The following PLXDC2 variants were observed in gnomAD, a reference collection of about 807,000 sequenced individuals.
The protein encoded by PLXDC2 is plexin domain-containing protein 2.
PLXDC2 carries 40 observed loss-of-function variants against 68.9 expected under a neutral mutation model. That is an observed-to-expected ratio of 0.58 (90% CI 0.45 to 0.76). The LOEUF (loss-of-function observed/expected upper bound fraction) is 0.76, where lower values mean the gene tolerates loss of function less well. Ranked by LOEUF, PLXDC2 falls within the 30% of genes least tolerant of loss-of-function variation. The pLI is 0.00. For missense variants in PLXDC2, 644 were observed against 661.9 expected, an observed-to-expected ratio of 0.97 and a Z score of 0.30; for synonymous variants, 243 against 234.2, an observed-to-expected ratio of 1.04 and a Z score of -0.34.
chr10:19,851,467 CTG>C (rs2131326545), intron 1 of PLXDC2, among the ~76,000 whole-genome samples: 1 of 152,322 alleles, frequency 6.6e-6, no homozygotes, highest in Admixed American at 6.5e-5. Flanking sequence ...CTCTGAGAAG[CTG>C]TCTTTGACGG....
intron 7 of PLXDC2, among the ~76,000 whole-genome samples, chr10:20,167,618 A>G (rs1419275082): frequency 6.6e-6 from 1 of 152,134 alleles, no homozygotes; most frequent in Non-Finnish European, 1.5e-5. Flanking sequence ...AGTAGTGAGT[A>G]GTTTCATTTC....
intron 9 of PLXDC2, among the ~76,000 whole-genome samples, chr10:20,191,678 G>C (rs1390079672): frequency 2.1e-5 from 3 of 145,304 alleles, no homozygotes; most frequent in Admixed American, 2.1e-4. Context: ...AGGGGGGAGG[G>C]ATAGCATTAG....
intron 1 of PLXDC2, among the ~76,000 whole-genome samples, chr10:19,901,961 C>G (rs1030751197): frequency 5.9e-5 from 9 of 152,044 alleles, no homozygotes; most frequent in Admixed American, 1.3e-4. Flanking sequence ...TTTTTGTTTG[C>G]TTTGTTGAAG....
intron 1 of PLXDC2, among the ~76,000 whole-genome samples, chr10:19,945,914 T>C (rs943966568): frequency 6.6e-6 from 1 of 152,220 alleles, no homozygotes; most frequent in African/African-American, 2.4e-5. Context: ...ACTGGAAATA[T>C]ATTTTCACAC....
At chr10:19,817,232 C>G in intron 1 of PLXDC2, 41 bp downstream of exon 1, 1 of 1,474,778 alleles carries the variant, frequency 6.8e-7, no homozygotes, top group South Asian at 1.2e-5. Context: ...TTGTGCGCAG[C>G]TGAAGACCTC....
intron 2 of PLXDC2, among the ~76,000 whole-genome samples, chr10:20,043,767 CA>C (rs1355208189): frequency 6.6e-6 from 1 of 151,854 alleles, no homozygotes; most frequent in African/African-American, 2.4e-5. Context: ...TCTTCCAAAC[CA>C]CCTTTTATAC....
At chr10:19,918,679 T>C (rs560529355) in intron 1 of PLXDC2, among the ~76,000 whole-genome samples, 1 of 152,260 alleles carries the variant, frequency 6.6e-6, no homozygotes, top group East Asian at 1.9e-4. Flanking sequence ...TAAAGAAAAG[T>C]AAAATATTAA....
At chr10:19,829,154 C>CTTTTTTTTTT (rs71388870) in intron 1 of PLXDC2, among the ~76,000 whole-genome samples, 15 of 94,416 alleles carry the variant, frequency 1.6e-4, no homozygotes, top group East Asian at 6.8e-4. Flanking sequence ...ACGCTTTCCT[C>CTTTTTTTTTT]TTTTTTTTTT....
intron 7 of PLXDC2, among the ~76,000 whole-genome samples, chr10:20,169,536 G>C (rs1024302968): frequency 6.6e-6 from 1 of 152,120 alleles, no homozygotes; most frequent in South Asian, 2.1e-4. Context: ...ATACACGCAC[G>C]ATTCTCACTA....
At chr10:20,230,545 A>T (rs1456331920) in intron 12 of PLXDC2, among the ~76,000 whole-genome samples, 2 of 151,438 alleles carry the variant, frequency 1.3e-5, no homozygotes, top group African/African-American at 4.9e-5. Context: ...GGTGGCGTGC[A>T]CTTGTAGTCC....
intron 13 of PLXDC2, among the ~76,000 whole-genome samples, chr10:20,277,443 G>A (rs1272300294): frequency 1.3e-5 from 2 of 152,010 alleles, no homozygotes; most frequent in African/African-American, 4.8e-5. Context: ...CCACTTTAAA[G>A]GCAATTATCT....
chr10:20,167,363 A>G (rs1015259473), intron 7 of PLXDC2, among the ~76,000 whole-genome samples: 1 of 152,162 alleles, frequency 6.6e-6, no homozygotes, highest in Non-Finnish European at 1.5e-5. Flanking sequence ...ATAACCCAAG[A>G]TTAGCACAAT....
rs202073639 is a variant in PLXDC2, at chr10:19,994,744, A to ATT, written c.113-7022_113-7021dup. 7.6e-4 allele frequency among the ~76,000 whole-genome samples: 113 copies of ATT among 149,166 alleles called. 2 individuals carry two copies. Among genetic ancestry groups the ATT allele is most frequent in the Admixed American group, 5.1e-3 (76 of 14,950 alleles). On this transcript the variant is annotated intron_variant, in intron 1 of 13. Transcript: ENST00000377252. ...AACCTGGTTAATCATTCATTTATTG[A>ATT]TTTTTTTTTTGTGTGTGTGACAGAG... is the stretch of plus-strand genomic sequence containing the variant.
Position 19,916,136 on chromosome 10 carries a change from G to GT in PLXDC2, c.113-85627dup, listed in dbSNP as rs1321024426. 7.7e-3 allele frequency among the ~76,000 whole-genome samples: 948 copies of GT among 122,680 alleles called. 15 individuals carry two copies. The highest frequency in any genetic ancestry group is 0.028 in the African/African-American group (765 of 27,422). 80.5% of individuals were successfully genotyped at this position (122,680 alleles called of 152,430 possible). On this transcript the variant is annotated intron_variant, in intron 1 of 13. Transcript: ENST00000377252. ...TGTGGAGGGAGTTGTGTTTTGTTTTGTTTTTTTTTTTTAATGGAGTCTCAC... is the reference window on the plus strand; with the variant it reads ...TGTGGAGGGAGTTGTGTTTTGTTTTGTTTTTTTTTTTTTAATGGAGTCTCAC...
rs1301424149 is a variant in PLXDC2, at chr10:20,217,416, C to T, written c.1123-10C>T. 1.2e-6 allele frequency: 2 copies of T among 1,601,000 alleles called. No individual in the cohort carries two copies. The highest frequency in any genetic ancestry group is 8.5e-7 in the Non-Finnish European group (1 of 1,173,614). Reference sequence around the variant, plus strand: ...ACTCCATTTGTTTTCCTTTTCTTTTCTCTTACTAGTCAAAAGAGAAGATGT... The same window carrying T: ...ACTCCATTTGTTTTCCTTTTCTTTTTTCTTACTAGTCAAAAGAGAAGATGT... On this transcript the variant is annotated splice_polypyrimidine_tract_variant and intron_variant, in intron 10 of 13. Transcript: ENST00000377252.
chr10:19,830,046 T>C (rs991176164), intron 1 of PLXDC2, among the ~76,000 whole-genome samples: 5 of 152,220 alleles, frequency 3.3e-5, no homozygotes, highest in African/African-American at 1.2e-4. Flanking sequence ...TATTAAAATC[T>C]GTTAATTTGC....
At chr10:20,085,867 T>C (rs556020909) in intron 4 of PLXDC2, among the ~76,000 whole-genome samples, 1 of 152,334 alleles carries the variant, frequency 6.6e-6, no homozygotes, top group South Asian at 2.1e-4. Context: ...ACTGTAGTTA[T>C]AAAAATCATT....
At chr10:20,140,439 ATCCG>A (rs200326119) in intron 4 of PLXDC2, among the ~76,000 whole-genome samples, 325 of 21,194 alleles carry the variant, frequency 0.015, 1 homozygote, top group Non-Finnish European at 0.024. Context: ...CTATCTATCT[ATCCG>A]TCTAATCTTT....
chr10:19,820,792 T>C (rs1189047640), intron 1 of PLXDC2, among the ~76,000 whole-genome samples: 1 of 151,498 alleles, frequency 6.6e-6, no homozygotes, highest in Non-Finnish European at 1.5e-5. Flanking sequence ...AGTCTTCAGC[T>C]GCAGGCTGGG....
Sources: gnomAD v4.1 joint callset for allele counts (sites outside exome capture counted in the v4.1 genomes callset) on GRCh38, gnomAD v4.1.1 for gene constraint, MANE v1.5 for transcripts, NCBI Gene and HGNC (gene_info 2026-07-23, HGNC 2026-07-21) for gene names.